TENT4A: variants seen among roughly 807,000 people sequenced by gnomAD.
The protein encoded by TENT4A is terminal nucleotidyltransferase 4A.
In TENT4A, 7 loss-of-function variants were observed where a neutral mutation model predicts 72.8. The observed-to-expected ratio is 0.10, with a 90% CI of 0.05 to 0.18. The LOEUF is 0.18. TENT4A is among the 10% of genes least tolerant of loss of function. The pLI is 1.00. For synonymous variants in TENT4A, 456 were observed against 434.3 expected (o/e 1.05, Z -0.62); for missense variants, 831 against 1,017.7 (o/e 0.82, Z 2.50).
chr5:6,754,992 C>T lies in TENT4A; in HGVS notation c.*47C>T, dbSNP rs745739473. ...TCCCCCACCCCTCTGCAGACTGCCC[C>T]GCGGCCTCGGCCACCGGCAGGGGAA... On this transcript the variant is annotated 3_prime_UTR_variant, in exon 13 of 13. Transcript: ENST00000230859. 20 of 1,477,826 alleles carry T rather than the reference C, an allele frequency of 1.4e-5. No individual in the cohort carries two copies. Among genetic ancestry groups the T allele is most frequent in the Middle Eastern group, 1.8e-4 (1 of 5,578 alleles). The allele number at this position is 1,477,826 out of a possible 1,614,324, so 91.5% of individuals were successfully genotyped here. A position where few individuals can be genotyped will look rare whatever the true frequency, so the allele number is the denominator to read the frequency against.
chr5:6,738,609 TTTAGTAAGAAATAA>T, intron 2 of TENT4A, 60 bp from the exon 3 acceptor site: 1 of 1,125,698 alleles, frequency 8.9e-7, no homozygotes, highest in South Asian at 1.2e-5. Flanking sequence ...AGGGCTTTCT[TTTAGTAAGAAATAA>T]TGGTAGTGTG....
Sources: allele counts gnomAD v4.1 joint callset, GRCh38; gene constraint gnomAD v4.1.1; transcripts MANE v1.5; gene names NCBI Gene and HGNC (gene_info 2026-07-23, HGNC 2026-07-21).